The following GRXCR2 variants were observed in gnomAD, a reference collection of about 807,000 sequenced individuals.
GRXCR2 encodes the protein glutaredoxin and cysteine rich domain containing 2, also known as glutaredoxin domain-containing cysteine-rich protein 2.
In GRXCR2, 23 loss-of-function variants were observed where a neutral mutation model predicts 24.8. That is an observed-to-expected ratio of 0.93 (90% CI 0.67 to 1.32). The LOEUF (loss-of-function observed/expected upper bound fraction) is 1.32. GRXCR2 is among the 40% of genes most tolerant of loss of function. The pLI is 0.00. For synonymous variants in GRXCR2, 130 were observed against 116.1 expected, an observed-to-expected ratio of 1.12 and a Z score of -0.77; for missense variants, 315 against 303.4, an observed-to-expected ratio of 1.04 and a Z score of -0.28.
chr5:145,862,612 C>A (rs1219649615), intron 2 of GRXCR2, among the ~76,000 whole-genome samples: 1 of 152,158 alleles, frequency 6.6e-6, no homozygotes, highest in Non-Finnish European at 1.5e-5. Flanking sequence ...ACCCACCAAT[C>A]CACCTCTACT....
At chr5:145,889,235 A>AGAAAGAAAGAAG (rs1561683194) in intron 2 of GRXCR2, among the ~76,000 whole-genome samples, 1 of 146,372 alleles carries the variant, frequency 6.8e-6, no homozygotes. Flanking sequence ...AAAGAAAGAA[A>AGAAAGAAAGAAG]GAAAGAAAGA....
At chr5:145,873,437 A>C (rs1030551726), upstream of GRXCR2, among the ~76,000 whole-genome samples, 3 of 152,212 alleles carry the variant, frequency 2.0e-5, no homozygotes, top group Non-Finnish European at 4.4e-5. Context: ...ATAACCCTAC[A>C]AAGAAAATCT....
chr5:145,894,870 G>C (rs188418629), intron 2 of GRXCR2, among the ~76,000 whole-genome samples: 36 of 152,026 alleles, frequency 2.4e-4, no homozygotes, highest in Non-Finnish European at 4.1e-4. Context: ...GATGAACATC[G>C]ATGCAAAAAT....
At position 145,913,698 on chromosome 5, in the gene GRXCR2, A is replaced by G. The variant is rs7735165; in HGVS notation, c.-70+22003T>C. On this transcript the variant is annotated intron_variant, in intron 2 of 3. Transcript: ENST00000639411. ...TTCATTTAATTTTTAAAAATTTTTT[A>G]AATAAATAGAGACACCGTTTCATCA... Among the ~76,000 whole-genome samples the G allele has an allele frequency of 8.1e-3, 1,240 of 152,260 alleles. 5 individuals carry two copies. The highest frequency in any genetic ancestry group is 0.012 in the Admixed American group (185 of 15,290).
At chr5:145,894,947 C>G (rs59452522) in intron 2 of GRXCR2, among the ~76,000 whole-genome samples, 2 of 151,976 alleles carry the variant, frequency 1.3e-5, no homozygotes, top group African/African-American at 2.4e-5. Flanking sequence ...ATGATCAAGT[C>G]GTCTTCATCC....
chr5:145,928,723 AG>A (rs1321918152), intron 2 of GRXCR2, among the ~76,000 whole-genome samples: 2 of 132,588 alleles, frequency 1.5e-5, no homozygotes, highest in Non-Finnish European at 3.2e-5. Context: ...GGACACAGGA[AG>A]GGGAACATCA....
rs558063021 is a variant in GRXCR2, at chr5:145,865,048, A to C, written c.564+1453T>G. ...ACTTATGATATGGGAGAAATGAGAT[A>C]AGAAGGAGCCTTTGGTGCCTCTTGT... is the stretch of plus-strand genomic sequence containing the variant. On this transcript the variant is annotated intron_variant, in intron 2 of 2. Transcript: ENST00000377976. Among the ~76,000 whole-genome samples the C allele has an allele frequency of 4.1e-4, 62 of 152,256 alleles. 1 individual carries two copies. Among genetic ancestry groups the C allele is most frequent in the African/African-American group, 1.4e-3 (60 of 41,548 alleles).
chr5:145,907,066 G>A (rs554221730), intron 2 of GRXCR2, among the ~76,000 whole-genome samples: 44 of 152,212 alleles, frequency 2.9e-4, no homozygotes, highest in Admixed American at 1.2e-3. Flanking sequence ...CAAGGAGGCC[G>A]GGGTGGCTAA....
chr5:145,928,050 T>G (rs1224156958), intron 2 of GRXCR2, among the ~76,000 whole-genome samples: 28 of 151,536 alleles, frequency 1.8e-4, no homozygotes, highest in African/African-American at 4.6e-4. Context: ...TCAAACAAAT[T>G]TACAAGAAAA....
intron 2 of GRXCR2, among the ~76,000 whole-genome samples, chr5:145,915,232 AT>A (rs1345323634): frequency 2.0e-5 from 3 of 152,152 alleles, no homozygotes; most frequent in Non-Finnish European, 4.4e-5. Context: ...GCCATGTCCT[AT>A]TAGGCCATTC....
chr5:145,870,485 T>C (rs1286102774), intron 1 of GRXCR2, among the ~76,000 whole-genome samples: 1 of 152,224 alleles, frequency 6.6e-6, no homozygotes, highest in Non-Finnish European at 1.5e-5. Context: ...CATCAGTCTA[T>C]GGACATTTGG....
chr5:145,928,858 T>A (rs1303085445), intron 2 of GRXCR2, among the ~76,000 whole-genome samples: 1 of 151,776 alleles, frequency 6.6e-6, no homozygotes, highest in African/African-American at 2.4e-5. Context: ...CATATATAAC[T>A]AACCTGCACA....
At chr5:145,859,940 G>C (rs1756306175) in intron 2 of GRXCR2, 25 bp from the exon 3 acceptor site, 1 of 1,530,332 alleles carries the variant, frequency 6.5e-7, no homozygotes, top group Admixed American at 2.0e-5. Flanking sequence ...TTAGGGTTTA[G>C]TTAAAGCAGC....
At chr5:145,920,971 C>T (rs541708328) in intron 2 of GRXCR2, among the ~76,000 whole-genome samples, 8 of 152,320 alleles carry the variant, frequency 5.3e-5, no homozygotes, top group African/African-American at 1.9e-4. Flanking sequence ...ATCTGTCAGC[C>T]CACTGATCTT....
At chr5:145,881,862 A>G (rs896714957) in intron 2 of GRXCR2, among the ~76,000 whole-genome samples, 2 of 152,110 alleles carry the variant, frequency 1.3e-5, no homozygotes, top group Non-Finnish European at 2.9e-5. Context: ...CAGAAATAAC[A>G]CCACACATCT....
intron 2 of GRXCR2, among the ~76,000 whole-genome samples, chr5:145,889,981 A>AAGC (rs1156729777): frequency 6.6e-6 from 1 of 152,270 alleles, no homozygotes; most frequent in Non-Finnish European, 1.5e-5. Context: ...ATACAATTGA[A>AAGC]AGCTTTGTCA....
Position 145,866,557 on chromosome 5 carries a change from G to A in GRXCR2, c.508C>T (p.His170Tyr). 2 of 1,614,128 alleles carry A rather than the reference G, an allele frequency of 1.2e-6. No homozygotes were observed. The highest frequency in any genetic ancestry group is 1.7e-6 in the Non-Finnish European group (2 of 1,179,976). The change falls in exon 2 of 3, where the codon CAC becomes TAC. Residue 170 changes from histidine to tyrosine, a missense_variant. Coordinates refer to ENST00000377976, the MANE Select transcript of GRXCR2 (RefSeq NM_001080516.2). ...TCTGCCTCCACCAAAGGTCTATCGT[G>A]CTGGTCCCTGCCTCCATAGCTTTCT... ...KEESYGGRDQ[H>Y]DRPLVEAEST...
chr5:145,919,398 G>A (rs1757291185), intron 2 of GRXCR2, among the ~76,000 whole-genome samples: 1 of 152,132 alleles, frequency 6.6e-6, no homozygotes, highest in African/African-American at 2.4e-5. Context: ...GATGCAAGTA[G>A]CCTTACTTCT....
chr5:145,870,877 A>G (rs1043253684), intron 1 of GRXCR2, among the ~76,000 whole-genome samples: 4 of 152,126 alleles, frequency 2.6e-5, no homozygotes, highest in African/African-American at 7.2e-5. Flanking sequence ...TCTAAAACAC[A>G]TAGAGTACTG....
Sources: allele counts gnomAD v4.1 joint callset (sites outside exome capture counted in the v4.1 genomes callset), GRCh38; gene constraint gnomAD v4.1.1; transcripts MANE v1.5; gene names NCBI Gene and HGNC (gene_info 2026-07-23, HGNC 2026-07-21).